NRG2: variants seen among roughly 807,000 people sequenced by gnomAD.
NRG2 encodes pro-neuregulin-2, membrane-bound isoform.
Under a neutral mutation model 73.9 loss-of-function variants are expected in NRG2, and 27 were observed. That is an observed-to-expected ratio of 0.37 (90% CI 0.27 to 0.50). NRG2 has a LOEUF of 0.50. NRG2 is among the 20% of genes least tolerant of loss of function. The pLI is 0.96. For missense variants in NRG2, 1,126 were observed against 1,210.1 expected, an observed-to-expected ratio of 0.93 and a Z score of 1.03; for synonymous variants, 532 against 541.0, an observed-to-expected ratio of 0.98 and a Z score of 0.23.
intron 1 of NRG2, among the ~76,000 whole-genome samples, chr5:139,906,722 T>C (rs984175880): frequency 1.3e-5 from 2 of 152,210 alleles, no homozygotes; most frequent in Admixed American, 1.3e-4. Context: ...ATGGATTGAT[T>C]AAAATTTGTG....
intron 5 of NRG2, among the ~76,000 whole-genome samples, chr5:139,857,472 G>C (rs1487011960): frequency 6.6e-6 from 1 of 151,946 alleles, no homozygotes; most frequent in East Asian, 1.9e-4. Context: ...GGTGTTATCA[G>C]ACTTGTTGAG....
In NRG2 at chr5:140,008,788, T is replaced by C. The variant is rs559403920; in HGVS notation, c.700+33582A>G. On this transcript the variant is annotated intron_variant, in intron 1 of 9. Coordinates refer to ENST00000361474, the MANE Select transcript of NRG2 (RefSeq NM_004883.3). The surrounding 1 kb of genome is among the most constrained non-coding windows in gnomAD (Gnocchi z 4.2). ...AAAATAAATGCATGAAACAAGGAGG[T>C]ATAGTACTATGGTTAGGATATAGGC... Among the ~76,000 whole-genome samples the C allele has an allele frequency of 6.6e-6, 1 of 152,120 alleles. No individual in the cohort carries two copies. Among genetic ancestry groups the C allele is most frequent in the Admixed American group, 6.5e-5 (1 of 15,278 alleles).
intron 1 of NRG2, among the ~76,000 whole-genome samples, chr5:139,905,329 T>C (rs1485352768): frequency 6.6e-6 from 1 of 152,198 alleles, no homozygotes; most frequent in African/African-American, 2.4e-5. Flanking sequence ...CTCTCCCTCT[T>C]CTGGCTCCCA....
At chr5:140,016,274 T>G (rs550326988) in intron 1 of NRG2, among the ~76,000 whole-genome samples, 2 of 152,344 alleles carry the variant, frequency 1.3e-5, no homozygotes, top group African/African-American at 4.8e-5. Context: ...TTCTATAACC[T>G]TGGGGCAAAT....
At chr5:139,965,743 C>T (rs939014802) in intron 1 of NRG2, among the ~76,000 whole-genome samples, 29 of 152,160 alleles carry the variant, frequency 1.9e-4, no homozygotes, top group African/African-American at 7.0e-4. Context: ...GCAGACAGTG[C>T]TAAAAGGAAG....
At chr5:139,909,687 T>C (rs1479579636) in intron 1 of NRG2, among the ~76,000 whole-genome samples, 1 of 152,084 alleles carries the variant, frequency 6.6e-6, no homozygotes, top group African/African-American at 2.4e-5. Context: ...GAGGAGGAAA[T>C]AGATCAAAAT....
At chr5:139,957,702 C>A (rs1462232265) in intron 1 of NRG2, among the ~76,000 whole-genome samples, 1 of 152,178 alleles carries the variant, frequency 6.6e-6, no homozygotes, top group African/African-American at 2.4e-5. Context: ...GTGCAGGTAT[C>A]AGATCGAGGA....
chr5:139,897,374 G>T (rs1361790029), intron 1 of NRG2, among the ~76,000 whole-genome samples: 4 of 152,110 alleles, frequency 2.6e-5, no homozygotes, highest in Non-Finnish European at 5.9e-5. Flanking sequence ...CTTAATAACC[G>T]GCAGCTCTTA....
intron 1 of NRG2, among the ~76,000 whole-genome samples, chr5:139,998,395 G>A (rs1758187894): frequency 6.6e-6 from 1 of 152,128 alleles, no homozygotes; most frequent in South Asian, 2.1e-4. Flanking sequence ...GTCCTGGAGG[G>A]CCGGCCACGT....
chr5:140,040,611 A>T (rs1401247817), intron 1 of NRG2, among the ~76,000 whole-genome samples: 1 of 152,198 alleles, frequency 6.6e-6, no homozygotes, highest in Non-Finnish European at 1.5e-5. Context: ...TTATGTGGAG[A>T]TGTACACTGT....
At chr5:140,026,414 C>T (rs1041512911) in intron 1 of NRG2, among the ~76,000 whole-genome samples, 2 of 152,132 alleles carry the variant, frequency 1.3e-5, no homozygotes, top group African/African-American at 4.8e-5. Flanking sequence ...CATTTACAGC[C>T]GCTAAGGCAG....
chr5:140,037,907 C>CAAAAAAAAAAAA (rs748112690), intron 1 of NRG2, among the ~76,000 whole-genome samples: 2 of 59,002 alleles, frequency 3.4e-5, no homozygotes, highest in Non-Finnish European at 6.4e-5. Context: ...GACTCCATCT[C>CAAAAAAAAAAAA]AAAAAAAAAA....
chr5:139,863,385 A>G (rs1201772693), intron 5 of NRG2, among the ~76,000 whole-genome samples: 4 of 152,268 alleles, frequency 2.6e-5, no homozygotes, highest in African/African-American at 9.6e-5. Flanking sequence ...GTAACAGTCA[A>G]GCTACTGAAG....
chr5:139,873,096 C>A (rs1043258740), intron 3 of NRG2, among the ~76,000 whole-genome samples: 1 of 152,164 alleles, frequency 6.6e-6, no homozygotes, highest in Non-Finnish European at 1.5e-5. Context: ...TGTGGGGAGA[C>A]GGATGGAGCA....
In NRG2 at chr5:139,846,832, A is replaced by T. The variant is rs1212657479; in HGVS notation, c.*1085T>A. 1 of 152,014 alleles carries T rather than the reference A, an allele frequency of 6.6e-6. No individual in the cohort carries two copies. Among genetic ancestry groups the T allele is most frequent in the Non-Finnish European group, 1.5e-5 (1 of 68,010 alleles). The allele number at this position is 152,014 out of a possible 1,614,324, so 9.4% of individuals were successfully genotyped here. On this transcript the variant is annotated 3_prime_UTR_variant, in exon 10 of 10. Transcript: ENST00000361474. ...AATATAAAAATGTTCAAGTGTCAAC[A>T]GTCAGGTGTTCAGACATTTCAGGAC...
At chr5:139,905,099 G>T (rs1470254237) in intron 1 of NRG2, among the ~76,000 whole-genome samples, 1 of 152,172 alleles carries the variant, frequency 6.6e-6, no homozygotes, top group African/African-American at 2.4e-5. Context: ...GGGTGCCCCA[G>T]GTGGCTTGTA....
At chr5:139,876,484 A>T (rs929646638) in intron 3 of NRG2, among the ~76,000 whole-genome samples, 1 of 152,150 alleles carries the variant, frequency 6.6e-6, no homozygotes, top group East Asian at 1.9e-4. Context: ...ATGGTATATA[A>T]ATTATATCTC....
At chr5:139,889,320 A>C (rs939065060) in intron 1 of NRG2, among the ~76,000 whole-genome samples, 1 of 151,874 alleles carries the variant, frequency 6.6e-6, no homozygotes, top group African/African-American at 2.4e-5. Context: ...GATTCCATTG[A>C]ATATATATAT....
chr5:139,949,272 T>C (rs868803779), intron 1 of NRG2, among the ~76,000 whole-genome samples: 2 of 152,186 alleles, frequency 1.3e-5, no homozygotes, highest in Middle Eastern at 3.4e-3. Context: ...TCCACAGACA[T>C]ATAATGGTCA....
Sources: gnomAD v4.1 joint callset for allele counts (sites outside exome capture counted in the v4.1 genomes callset) on GRCh38, gnomAD v4.1.1 for gene constraint, Gnocchi (gnomAD v3.1) non-coding constraint, MANE v1.5 for transcripts, NCBI Gene and HGNC (gene_info 2026-07-23, HGNC 2026-07-21) for gene names.